Variants in MAST4 observed in about 807,000 individuals in gnomAD.
MAST4 encodes the protein microtubule-associated serine/threonine-protein kinase 4.
In MAST4, 89 loss-of-function variants were observed where a neutral mutation model predicts 162.7. The ratio of observed to expected loss-of-function variants is 0.55; its 90% CI spans 0.46 to 0.65. The LOEUF (loss-of-function observed/expected upper bound fraction) is 0.65. MAST4 is among the 30% of genes least tolerant of loss of function. The pLI is 0.00. For missense variants in MAST4, 3,153 were observed against 3,374.0 expected, an observed-to-expected ratio of 0.93 and a Z score of 1.62; for synonymous variants, 1,479 against 1,361.1, an observed-to-expected ratio of 1.09 and a Z score of -1.91.
chr5:66,892,633 TAGGGGAAAGAG>T (rs1762432223), intron 3 of MAST4, among the ~76,000 whole-genome samples: 1 of 152,166 alleles, frequency 6.6e-6, no homozygotes, highest in Non-Finnish European at 1.5e-5. Flanking sequence ...TCTTCCTCGT[TAGGGGAAAGAG>T]TGCCCTCTTT....
At chr5:66,713,913 A>C (rs1297127756) in intron 1 of MAST4, among the ~76,000 whole-genome samples, 1 of 152,154 alleles carries the variant, frequency 6.6e-6, no homozygotes, top group African/African-American at 2.4e-5. Flanking sequence ...CAATAGCTGA[A>C]ATTTATTTCC....
chr5:66,957,788 G>A (rs1285094797), intron 4 of MAST4, among the ~76,000 whole-genome samples: 1 of 152,202 alleles, frequency 6.6e-6, no homozygotes, highest in African/African-American at 2.4e-5. Flanking sequence ...AGAGCTGAGG[G>A]AGACTTCGTG....
intron 5 of MAST4, among the ~76,000 whole-genome samples, chr5:67,068,334 G>A (rs539147157): frequency 1.1e-4 from 16 of 152,294 alleles, no homozygotes; most frequent in South Asian, 4.1e-4. Flanking sequence ...GGCTGGGAAG[G>A]CCTCAGAAAA....
At chr5:66,838,688 G>A (rs1758203578) in intron 3 of MAST4, among the ~76,000 whole-genome samples, 2 of 152,176 alleles carry the variant, frequency 1.3e-5, no homozygotes, top group South Asian at 4.1e-4. Context: ...TCTGCCGGAT[G>A]GTGAAGGATG....
At chr5:67,067,172 C>T (rs1224366312) in intron 5 of MAST4, among the ~76,000 whole-genome samples, 1 of 152,184 alleles carries the variant, frequency 6.6e-6, no homozygotes, top group Non-Finnish European at 1.5e-5. Flanking sequence ...AATTCTGCTA[C>T]CCAAACCCTT....
At chr5:66,700,278 TG>T (rs770304380) in intron 1 of MAST4, among the ~76,000 whole-genome samples, 17 of 152,366 alleles carry the variant, frequency 1.1e-4, no homozygotes, top group Non-Finnish European at 2.1e-4. Context: ...TATTATTTCA[TG>T]ATGGAAAATT....
In MAST4 at chr5:66,712,749, G is replaced by A. The variant is rs74508246; in HGVS notation, c.364-46960G>A. Reference sequence around the variant, plus strand: ...AAAAGTAATGAGAAGTTTCCTTTTAGAAGGAAAAAATAAACCCACTAGTAT... The same window carrying A: ...AAAAGTAATGAGAAGTTTCCTTTTAAAAGGAAAAAATAAACCCACTAGTAT... On this transcript the variant is annotated intron_variant, in intron 1 of 28. Coordinates refer to ENST00000403625, the MANE Select transcript of MAST4 (RefSeq NM_001164664.2). 7.7e-4 allele frequency among the ~76,000 whole-genome samples: 117 copies of A among 152,170 alleles called. 1 individual carries two copies. In the East Asian group the frequency reaches 0.012, roughly 16 times the overall value.
chr5:67,147,039 G>A (rs1324046486), intron 23 of MAST4, among the ~76,000 whole-genome samples: 2 of 151,844 alleles, frequency 1.3e-5, no homozygotes, highest in Non-Finnish European at 2.9e-5. Flanking sequence ...GCTCACTACC[G>A]GAAAGGTAGG....
intron 4 of MAST4, among the ~76,000 whole-genome samples, chr5:67,031,819 C>A (rs1458602014): frequency 1.3e-5 from 2 of 152,082 alleles, no homozygotes; most frequent in Non-Finnish European, 2.9e-5. Flanking sequence ...ATTCATAGGT[C>A]AGGATGGCAG....
intron 4 of MAST4, chr5:66,916,907 C>A (rs1764153023): frequency 1.4e-6 from 1 of 699,356 alleles, no homozygotes; most frequent in African/African-American, 1.8e-5. Flanking sequence ...TTTCTCCCCT[C>A]CCCACAACAA....
In MAST4 at chr5:66,603,285, C is replaced by T. The variant is rs78069679; in HGVS notation, c.363+6267C>T. Among the ~76,000 whole-genome samples, 669 of 152,276 alleles carry T rather than the reference C, an allele frequency of 4.4e-3. 17 individuals carry two copies. The South Asian group carries it at 0.062, about 14-fold the overall frequency. ...TTCATTAACCCTTCTGTTAAGACAC[C>T]GTTTCTCTTTTGCTCATGGAACCTG... On this transcript the variant is annotated intron_variant, in intron 1 of 28. Transcript: ENST00000403625.
intron 10 of MAST4, among the ~76,000 whole-genome samples, chr5:67,106,591 T>C (rs968850211): frequency 3.9e-5 from 6 of 152,180 alleles, no homozygotes; most frequent in African/African-American, 1.2e-4. Context: ...CAGACCCTCA[T>C]CCTCACCTAT....
Position 66,596,907 on chromosome 5 carries a change from A to G in MAST4, c.252A>G (p.Ala84=). 1.6e-6 allele frequency: 2 copies of G among 1,288,550 alleles called. No homozygotes were observed. The highest frequency in any genetic ancestry group is 2.0e-6 in the Non-Finnish European group (2 of 1,016,810). The allele number at this position is 1,288,550 out of a possible 1,614,324, so 79.8% of individuals were successfully genotyped here. A position where few individuals can be genotyped will look rare whatever the true frequency, so the allele number is the denominator to read the frequency against. The change falls in exon 1 of 29, where the codon GCA becomes GCG. Residue 84 remains alanine (A), a synonymous_variant. Transcript: ENST00000403625. ...GARAPAAWAP[A]SVLLERGVLA... Reference sequence around the variant, plus strand: ...GGGCGCCCGCCGCGTGGGCTCCGGCAAGCGTGCTGCTGGAGCGCGGAGTCC... The same window carrying G: ...GGGCGCCCGCCGCGTGGGCTCCGGCGAGCGTGCTGCTGGAGCGCGGAGTCC...
chr5:67,002,689 C>T (rs1186618644), intron 4 of MAST4, among the ~76,000 whole-genome samples: 1 of 152,152 alleles, frequency 6.6e-6, no homozygotes, highest in African/African-American at 2.4e-5. Context: ...GCCATCTCCT[C>T]TTCATTTATG....
At chr5:67,126,065 T>C (rs547680454) in intron 14 of MAST4, among the ~76,000 whole-genome samples, 2 of 152,194 alleles carry the variant, frequency 1.3e-5, no homozygotes, top group Non-Finnish European at 2.9e-5. Flanking sequence ...TCTGTTCATA[T>C]CCTTCTCCCA....
At chr5:66,981,536 A>G (rs1389195528) in intron 4 of MAST4, among the ~76,000 whole-genome samples, 3 of 152,214 alleles carry the variant, frequency 2.0e-5, no homozygotes, top group African/African-American at 4.8e-5. Context: ...GGATTTGCCA[A>G]TGGAAATTGA....
chr5:67,016,752 A>G (rs1753329315), intron 4 of MAST4, among the ~76,000 whole-genome samples: 2 of 152,068 alleles, frequency 1.3e-5, no homozygotes, highest in East Asian at 1.9e-4. Flanking sequence ...TTAACACCCC[A>G]TGCACTCAGG....
At chr5:67,162,496 G>A (rs1334311199) in intron 27 of MAST4, 111 bp from the exon 28 acceptor site, 3 of 913,460 alleles carry the variant, frequency 3.3e-6, no homozygotes, top group East Asian at 2.5e-5. Context: ...AGGATCTGCT[G>A]TTGTATCCCT....
intron 4 of MAST4, among the ~76,000 whole-genome samples, chr5:66,971,897 C>T (rs1393042525): frequency 6.7e-6 from 1 of 149,590 alleles, no homozygotes; most frequent in Non-Finnish European, 1.5e-5. Flanking sequence ...AACACCCACC[C>T]TGTTGATATG....
Sources: allele counts gnomAD v4.1 joint callset (sites outside exome capture counted in the v4.1 genomes callset), GRCh38; gene constraint gnomAD v4.1.1; transcripts MANE v1.5; gene names NCBI Gene and HGNC (gene_info 2026-07-23, HGNC 2026-07-21).